AMMECR1: variants seen among roughly 807,000 people sequenced by gnomAD.
The protein encoded by AMMECR1 is AMMECR nuclear protein 1.
Under a neutral mutation model 22.5 loss-of-function variants are expected in AMMECR1, and 3 were observed. The ratio of observed to expected loss-of-function variants is 0.13; its 90% CI spans 0.06 to 0.35. The LOEUF is 0.35. Among genes scored for constraint, AMMECR1 ranks in the 10% least tolerant of loss-of-function variants. The pLI is 1.00. For synonymous variants in AMMECR1, 130 were observed against 116.7 expected, an observed-to-expected ratio of 1.11 and a Z score of -0.74; for missense variants, 235 against 278.7, an observed-to-expected ratio of 0.84 and a Z score of 1.12.
At chrX:110,379,509 G>A (rs2068403544) in intron 2 of AMMECR1, among the ~76,000 whole-genome samples, 1 of 111,745 alleles carries the variant, frequency 8.9e-6, no homozygotes, top group African/African-American at 3.3e-5. Flanking sequence ...GATCCACTCT[G>A]GGCCTTCTTT....
At chrX:110,424,637 C>T (rs775691324) in intron 2 of AMMECR1, among the ~76,000 whole-genome samples, 44 of 112,143 alleles carry the variant, frequency 3.9e-4, no homozygotes, top group Middle Eastern at 4.6e-3. Flanking sequence ...TCCAGGCAGA[C>T]AGCTATGGGA....
intron 2 of AMMECR1, among the ~76,000 whole-genome samples, chrX:110,363,109 C>A (rs751170977): frequency 6.3e-5 from 7 of 111,879 alleles, no homozygotes; most frequent in Non-Finnish European, 1.1e-4. Context: ...CTAGGCAGTA[C>A]CTACAAAGAT....
chrX:110,428,772 T>G (rs1402057510), intron 1 of AMMECR1, among the ~76,000 whole-genome samples: 2 of 111,764 alleles, frequency 1.8e-5, no homozygotes, highest in Non-Finnish European at 3.8e-5. Context: ...CCCATTCCCC[T>G]ATGGAATACC....
intron 2 of AMMECR1, among the ~76,000 whole-genome samples, chrX:110,338,944 TA>T (rs1303605742): frequency 9.0e-6 from 1 of 111,700 alleles, no homozygotes; most frequent in Non-Finnish European, 1.9e-5. Flanking sequence ...AAGGGATGTT[TA>T]AAAATCCCTG....
intron 1 of AMMECR1, among the ~76,000 whole-genome samples, chrX:110,279,931 TAAAAG>T (rs986022291): frequency 3.6e-5 from 4 of 111,722 alleles, no homozygotes; most frequent in Non-Finnish European, 7.5e-5. Flanking sequence ...TAAAATTGTA[TAAAAG>T]AAAAGGCAGA....
At chrX:110,432,891 C>T (rs2068808254) in intron 1 of AMMECR1, among the ~76,000 whole-genome samples, 1 of 112,846 alleles carries the variant, frequency 8.9e-6, no homozygotes, top group Admixed American at 9.3e-5. Flanking sequence ...CATCCTCAGA[C>T]GCTTCTAGGA....
chrX:110,216,430 G>C (rs1411984224), intron 3 of AMMECR1, 88 bp downstream of exon 3: 1 of 616,345 alleles, frequency 1.6e-6, no homozygotes, highest in Non-Finnish European at 2.6e-6. Context: ...TAGAGAATGG[G>C]CTGAAAGAGT....
At chrX:110,318,203 G>C, upstream of AMMECR1, 1 of 435,283 alleles carries the variant, frequency 2.3e-6, no homozygotes, top group African/African-American at 2.7e-5. Flanking sequence ...CGCCGCTCCC[G>C]GCCCCGTCTG....
chrX:110,247,688 T>C (rs2067665534), intron 2 of AMMECR1, among the ~76,000 whole-genome samples: 1 of 105,508 alleles, frequency 9.5e-6, no homozygotes, highest in South Asian at 4.2e-4. Context: ...TGAAACCCTG[T>C]CTCAAAAAAA....
chrX:110,232,889 C>CA (rs775605567), intron 2 of AMMECR1, among the ~76,000 whole-genome samples: 212 of 11,913 alleles, frequency 0.018, 47 homozygotes, highest in African/African-American at 0.043. Flanking sequence ...GACTCAGTCT[C>CA]AAAAAAAAAA....
At chrX:110,412,996 T>C (rs969631816) in intron 2 of AMMECR1, among the ~76,000 whole-genome samples, 1 of 111,933 alleles carries the variant, frequency 8.9e-6, no homozygotes, top group African/African-American at 3.3e-5. Context: ...CGTTTGGAAT[T>C]CCGAGGACAG....
intron 2 of AMMECR1, among the ~76,000 whole-genome samples, chrX:110,231,669 T>A (rs1486224972): frequency 9.0e-6 from 1 of 111,381 alleles, no homozygotes; most frequent in Admixed American, 9.5e-5. Flanking sequence ...ATAACAATAT[T>A]AACCTTAAAT....
chrX:110,343,523 T>C (rs1479819939), intron 2 of AMMECR1, among the ~76,000 whole-genome samples: 1 of 110,722 alleles, frequency 9.0e-6, no homozygotes, highest in East Asian at 2.8e-4. Context: ...AAATAAAGGG[T>C]ATTCAATTAG....
chrX:110,338,521 C>G (rs997812206), intron 2 of AMMECR1, among the ~76,000 whole-genome samples: 1 of 111,852 alleles, frequency 8.9e-6, no homozygotes, highest in East Asian at 2.8e-4. Flanking sequence ...TATGATCAGC[C>G]GTTTTTCTAA....
intron 2 of AMMECR1, among the ~76,000 whole-genome samples, chrX:110,263,232 C>T (rs2067751138): frequency 9.0e-6 from 1 of 111,499 alleles, no homozygotes; most frequent in South Asian, 3.7e-4. Context: ...ATCTAACATG[C>T]CTAGACTAGT....
At chrX:110,438,951 A>G (rs1050829822) in intron 1 of AMMECR1, among the ~76,000 whole-genome samples, 9 of 112,216 alleles carry the variant, frequency 8.0e-5, no homozygotes, top group Admixed American at 3.8e-4. Context: ...AGAAGAGCAC[A>G]GTTTTTAGTA....
upstream of AMMECR1, among the ~76,000 whole-genome samples, chrX:110,322,103 A>G (rs986874867): frequency 8.9e-6 from 1 of 112,517 alleles, no homozygotes; most frequent in African/African-American, 3.2e-5. Context: ...ATTGTTTTCT[A>G]GTTGTTTCAT....
At chrX:110,432,237 C>T (rs1407936417) in intron 1 of AMMECR1, among the ~76,000 whole-genome samples, 4 of 112,312 alleles carry the variant, frequency 3.6e-5, no homozygotes, top group African/African-American at 1.3e-4. Flanking sequence ...GTATCTCAGC[C>T]AGCTCTCTTC....
chrX:110,290,916 ACT>A (rs2067904744), intron 1 of AMMECR1, among the ~76,000 whole-genome samples: 1 of 111,423 alleles, frequency 9.0e-6, no homozygotes, highest in African/African-American at 3.3e-5. Context: ...TTAATAACAC[ACT>A]CTTTTTCTCT....
Sources: allele counts gnomAD v4.1 joint callset (sites outside exome capture counted in the v4.1 genomes callset), GRCh38; gene constraint gnomAD v4.1.1; transcripts MANE v1.5; gene names NCBI Gene and HGNC (gene_info 2026-07-23, HGNC 2026-07-21).